PPFIBP2: variants seen among roughly 807,000 people sequenced by gnomAD.
The protein encoded by PPFIBP2 is liprin-beta-2.
A neutral mutation model predicts 118.3 loss-of-function variants in PPFIBP2; 118 were observed. The ratio of observed to expected loss-of-function variants is 1.00; its 90% confidence interval spans 0.86 to 1.16. The LOEUF is 1.16. Among genes scored for constraint, PPFIBP2 ranks in the 50% most tolerant of loss-of-function variants. The pLI, the probability that PPFIBP2 is intolerant of heterozygous loss-of-function variation, is 0.00. For missense variants in PPFIBP2, 1,195 were observed against 1,073.1 expected (o/e 1.11, Z -1.59); for synonymous variants, 414 against 397.4 (o/e 1.04, Z -0.50).
At chr11:7,543,757 T>C (rs1321719455) in intron 1 of PPFIBP2, among the ~76,000 whole-genome samples, 1 of 152,250 alleles carries the variant, frequency 6.6e-6, no homozygotes, top group Non-Finnish European at 1.5e-5. Flanking sequence ...AATTTTCTTT[T>C]GCCAAACATG....
At chr11:7,626,071 G>A (rs1214362716) in intron 8 of PPFIBP2, among the ~76,000 whole-genome samples, 180 bp downstream of exon 8, 3 of 152,234 alleles carry the variant, frequency 2.0e-5, no homozygotes, top group African/African-American at 7.2e-5. Flanking sequence ...TTGTGTGTTT[G>A]TGTGTGTCCC....
chr11:7,634,311 A>C (rs1851164800), intron 12 of PPFIBP2, among the ~76,000 whole-genome samples, 184 bp from the exon 13 acceptor site: 1 of 152,208 alleles, frequency 6.6e-6, no homozygotes, highest in Non-Finnish European at 1.5e-5. Flanking sequence ...TTATTGGACC[A>C]GTCTGTCCCC....
intron 1 of PPFIBP2, among the ~76,000 whole-genome samples, chr11:7,520,838 C>T (rs1214104188): frequency 6.6e-6 from 1 of 152,156 alleles, no homozygotes; most frequent in African/African-American, 2.4e-5. Context: ...CTTGATGGCA[C>T]CTATGTGTCT....
intron 1 of PPFIBP2, among the ~76,000 whole-genome samples, chr11:7,530,824 TG>T (rs35957588): frequency 0.18 from 26,976 of 152,146 alleles, 2,498 homozygotes; most frequent in Admixed American, 0.24. Flanking sequence ...GGCTTGAGGC[TG>T]GGGGTATGGG....
At chr11:7,595,142 T>C (rs1414507346) in intron 4 of PPFIBP2, among the ~76,000 whole-genome samples, 1 of 152,068 alleles carries the variant, frequency 6.6e-6, no homozygotes, top group African/African-American at 2.4e-5. Context: ...GCCCACACAC[T>C]GAGGCAAGAG....
intron 2 of PPFIBP2, among the ~76,000 whole-genome samples, chr11:7,554,812 A>ACTAGACTAGG: frequency 6.6e-6 from 1 of 151,688 alleles, no homozygotes. Context: ...ACTAGACTAG[A>ACTAGACTAGG]CTAGATTGGG....
chr11:7,629,563 C>G (rs751363638), intron 10 of PPFIBP2, 29 bp downstream of exon 10: 5 of 1,604,882 alleles, frequency 3.1e-6, no homozygotes, highest in East Asian at 4.5e-5. Context: ...CTACCGTTGT[C>G]TCTGAAAGAT....
chr11:7,666,216 G>C, the PPFIBP2 span: 16 of 579,176 alleles, frequency 2.8e-5, no homozygotes, highest in Middle Eastern at 8.9e-4. Context: ...GTTCAGTGCA[G>C]CGTGAGGTGC....
intron 1 of PPFIBP2, among the ~76,000 whole-genome samples, chr11:7,535,696 G>A (rs1851140441): frequency 6.6e-6 from 1 of 152,226 alleles, no homozygotes; most frequent in Non-Finnish European, 1.5e-5. Flanking sequence ...CTCCAATTTG[G>A]ATGCCAGCTC....
At chr11:7,519,137 G>A (rs924216201) in intron 1 of PPFIBP2, among the ~76,000 whole-genome samples, 1 of 152,102 alleles carries the variant, frequency 6.6e-6, no homozygotes, top group Non-Finnish European at 1.5e-5. Context: ...TGAGAAGATG[G>A]CGACTGGGAA....
chr11:7,560,268 A>T (rs1854150579), intron 2 of PPFIBP2, among the ~76,000 whole-genome samples: 1 of 152,234 alleles, frequency 6.6e-6, no homozygotes, highest in Admixed American at 6.5e-5. Flanking sequence ...CTTTGAAAGA[A>T]CAAGAGAACC....
At chr11:7,615,570 T>A (rs1329004940) in intron 6 of PPFIBP2, among the ~76,000 whole-genome samples, 1 of 152,200 alleles carries the variant, frequency 6.6e-6, no homozygotes, top group Non-Finnish European at 1.5e-5. Flanking sequence ...AGTAGCAACC[T>A]ATTTGTTAGC....
chr11:7,557,159 T>C (rs1240541470), intron 2 of PPFIBP2, among the ~76,000 whole-genome samples: 1 of 152,202 alleles, frequency 6.6e-6, no homozygotes, highest in Non-Finnish European at 1.5e-5. Context: ...ATTCTTCAAA[T>C]CTATCTTCCT....
At chr11:7,549,221 T>C (rs559336475) in intron 1 of PPFIBP2, among the ~76,000 whole-genome samples, 19 of 152,336 alleles carry the variant, frequency 1.2e-4, no homozygotes, top group African/African-American at 4.3e-4. Context: ...CTGGTGGTTT[T>C]TCATTACAGA....
intron 1 of PPFIBP2, among the ~76,000 whole-genome samples, chr11:7,544,011 C>T (rs371838174): frequency 3.9e-5 from 6 of 152,140 alleles, no homozygotes; most frequent in Non-Finnish European, 7.3e-5. Flanking sequence ...GGTGTGGGAT[C>T]GTTTTCTCCC....
rs182170768 is a variant in PPFIBP2 at position 7,548,862 on chromosome 11, G to A, written c.-36-578G>A. ...CTGGGTGCTGTCTCTACATCCTTGTGGCCTGTAGACTTCCTAGGCAGTGCA... is the reference window on the plus strand; with the variant it reads ...CTGGGTGCTGTCTCTACATCCTTGTAGCCTGTAGACTTCCTAGGCAGTGCA... On this transcript the variant is annotated intron_variant, in intron 1 of 23. Transcript: ENST00000299492. Among the ~76,000 whole-genome samples the A allele has an allele frequency of 2.2e-4, 34 of 152,244 alleles. 1 individual carries two copies. The South Asian group carries it at 6.8e-3, about 31-fold the overall frequency.
chr11:7,629,641 G>A, intron 10 of PPFIBP2, 107 bp downstream of exon 10: 1 of 1,078,812 alleles, frequency 9.3e-7, no homozygotes, highest in East Asian at 2.4e-5. Context: ...TTTCAGAGAA[G>A]ACTCCCTACT....
chr11:7,665,282 T>A, the PPFIBP2 span: 1 of 1,177,576 alleles, frequency 8.5e-7, no homozygotes, highest in Non-Finnish European at 1.2e-6. Flanking sequence ...GGCAAGGCAC[T>A]TTTGAAAACA....
intron 17 of PPFIBP2, among the ~76,000 whole-genome samples, chr11:7,642,788 G>A (rs781254023): frequency 1.3e-5 from 2 of 152,146 alleles, no homozygotes; most frequent in East Asian, 3.8e-4. Flanking sequence ...TCAGATGTCC[G>A]TTCTCAGAAA....
Sources: gnomAD v4.1 joint callset for allele counts (sites outside exome capture counted in the v4.1 genomes callset) on GRCh38, gnomAD v4.1.1 for gene constraint, MANE v1.5 for transcripts, NCBI Gene and HGNC (gene_info 2026-07-23, HGNC 2026-07-21) for gene names.